Variants in ERBB2 observed in about 807,000 individuals in gnomAD.
ERBB2 encodes receptor tyrosine-protein kinase erbB-2.
Under a neutral mutation model 149.0 loss-of-function variants are expected in ERBB2, and 61 were observed. The ratio of observed to expected loss-of-function variants is 0.41; its 90% CI spans 0.33 to 0.51. The LOEUF (loss-of-function observed/expected upper bound fraction) is 0.51, where lower values mean the gene tolerates loss of function less well. ERBB2 is among the 20% of genes least tolerant of loss of function. The pLI is 0.25. For synonymous variants in ERBB2, 633 were observed against 678.8 expected, an observed-to-expected ratio of 0.93 and a Z score of 1.05; for missense variants, 1,205 against 1,655.1, an observed-to-expected ratio of 0.73 and a Z score of 4.72.
upstream of ERBB2, among the ~76,000 whole-genome samples, chr17:39,694,258 T>C (rs1182293800): frequency 3.0e-3 from 58 of 19,038 alleles, 5 homozygotes; most frequent in Non-Finnish European, 4.9e-3. Context: ...TATATATATA[T>C]ATATATATAT....
chr17:39,719,001 C>T (rs1224626220), intron 15 of ERBB2, among the ~76,000 whole-genome samples: 2 of 152,174 alleles, frequency 1.3e-5, no homozygotes, highest in Non-Finnish European at 2.9e-5. Flanking sequence ...TGGCTCACGC[C>T]TGTAATCCCA....
In ERBB2 at chr17:39,725,371, G is replaced by A. The variant is rs199638358; in HGVS notation, c.2694G>A (p.Arg898=). 1.9e-6 allele frequency: 3 copies of A among 1,613,972 alleles called. No individual in the cohort carries two copies. Among genetic ancestry groups the A allele is most frequent in the Admixed American group, 3.3e-5 (2 of 59,986 alleles). ...WMALESILRR[R]FTHQSDVWSY... is the part of the protein sequence containing the mutation. ...CGCTGGAGTCCATTCTCCGCCGGCG[G>A]TTCACCCACCAGAGTGATGTGTGGA... Residue 898 remains arginine, a synonymous_variant, in exon 22 of 27, where the codon CGG becomes CGA. Transcript: ENST00000269571. The surrounding 1 kb of genome is among the most constrained non-coding windows in gnomAD (Gnocchi z 4.6).
At chr17:39,708,602 G>C in intron 3 of ERBB2, 68 bp downstream of exon 3, 3 of 1,290,086 alleles carry the variant, frequency 2.3e-6, no homozygotes, top group Middle Eastern at 1.9e-4. Flanking sequence ...TGCTAACCAG[G>C]GGGAGGCTTT....
In ERBB2 at chr17:39,688,125, A is replaced by G. The variant is rs771589861; in HGVS notation, c.-535A>G. 5.4e-4 allele frequency: 568 copies of G among 1,057,580 alleles called. 1 individual carries two copies. Among genetic ancestry groups the G allele is most frequent in the Non-Finnish European group, 6.6e-4 (540 of 815,120 alleles). 65.5% of individuals were successfully genotyped at this position (1,057,580 alleles called of 1,614,324 possible). ...TATTCTACTCTCCGCTGAAGTCCACACAGTTTAAATTAAAGTTCCCGGATT... is the reference window on the plus strand; with the variant it reads ...TATTCTACTCTCCGCTGAAGTCCACGCAGTTTAAATTAAAGTTCCCGGATT... On this transcript the variant is annotated 5_prime_UTR_variant, in exon 1 of 18. Coordinates refer to the ERBB2 transcript ENST00000578199.
At chr17:39,704,689 G>A (rs1319238366) in intron 1 of ERBB2, among the ~76,000 whole-genome samples, 1 of 152,160 alleles carries the variant, frequency 6.6e-6, no homozygotes, top group Non-Finnish European at 1.5e-5. Context: ...GGGGGTGTTA[G>A]CCAGCAAGCC....
At chr17:39,716,271 TC>T in intron 12 of ERBB2, 29 bp from the exon 13 acceptor site, 2 of 1,539,084 alleles carry the variant, frequency 1.3e-6, no homozygotes, top group Admixed American at 2.3e-5. Flanking sequence ...CCCCTAAAAG[TC>T]CCCTGCGGTC....
intron 2 of ERBB2, chr17:39,707,747 C>T (rs1216484233): frequency 6.5e-6 from 1 of 153,382 alleles, no homozygotes; most frequent in African/African-American, 2.4e-5. Context: ...GCCTGTAATC[C>T]CAGCACTTTG....
At chr17:39,688,990 C>T (rs373296240) in intron 2 of ERBB2, among the ~76,000 whole-genome samples, 49 of 152,234 alleles carry the variant, frequency 3.2e-4, no homozygotes, top group African/African-American at 1.1e-3. Flanking sequence ...CCTCTCCCTG[C>T]TCACCTCCCC....
chr17:39,696,370 C>G (rs142775749), upstream of ERBB2: 1 of 152,310 alleles, frequency 6.6e-6, no homozygotes, highest in East Asian at 1.9e-4. Context: ...TACCGCCCAC[C>G]GGGACTGGGC....
intron 15 of ERBB2, among the ~76,000 whole-genome samples, chr17:39,717,867 G>A (rs1318257232): frequency 6.6e-6 from 1 of 152,042 alleles, no homozygotes; most frequent in Non-Finnish European, 1.5e-5. Flanking sequence ...AGGCTGGAGT[G>A]CAGTAGTACA....
At position 39,700,291 on chromosome 17, in the gene ERBB2, C is replaced by T. The variant is rs2145269487; in HGVS notation, c.53C>T (p.Pro18Leu). 1 of 1,429,794 alleles carries T rather than the reference C, an allele frequency of 7.0e-7. No homozygotes were observed. Among genetic ancestry groups the T allele is most frequent in the Non-Finnish European group, 9.1e-7 (1 of 1,093,390 alleles). 88.6% of individuals were successfully genotyped at this position (1,429,794 alleles called of 1,614,324 possible). A position where few individuals can be genotyped will look rare whatever the true frequency, so the allele number is the denominator to read the frequency against. The change falls in exon 1 of 27, where the codon CCC (proline) becomes CTC (leucine). Residue 18 changes from proline (P) to leucine (L), a missense_variant. By Grantham distance (98) the Pro-to-Leu change is moderately conservative (BLOSUM62 -3). Transcript: ENST00000269571. Reference sequence around the variant, plus strand: ...GGGCTCCTCCTCGCCCTCTTGCCCCCCGGAGCCGCGAGCACCCAAGGTGGG... The same window carrying T: ...GGGCTCCTCCTCGCCCTCTTGCCCCTCGGAGCCGCGAGCACCCAAGGTGGG... ...RWGLLLALLP[P>L]GAASTQVCTG...
rs776359403 is a variant in ERBB2 at position 39,726,903 on chromosome 17, C to G, written c.3059C>G (p.Ala1020Gly). The G allele has an allele frequency of 6.2e-7, 1 of 1,613,934 alleles. No homozygotes were observed. The highest frequency in any genetic ancestry group is 2.2e-5 in the East Asian group (1 of 44,878). Residue 1020 changes from alanine (A) to glycine (G), a missense_variant, in exon 25 of 27, where the codon GCT becomes GGT. By Grantham distance (60) the Ala-to-Gly change is moderately conservative. Coordinates refer to ENST00000269571, the MANE Select transcript of ERBB2 (RefSeq NM_004448.4). This position sits in a 1 kb window ranked among gnomAD's most constrained non-coding sequence, Gnocchi z 5.1. Reference protein sequence around the residue: ...EDDDMGDLVDAEEYLVPQQGF... With the variant: ...EDDDMGDLVDGEEYLVPQQGF... ...GATGACATGGGGGACCTGGTGGATG[C>G]TGAGGAGTATCTGGTACCCCAGCAG...
chr17:39,697,356 T>TG (rs1013592495), upstream of ERBB2, among the ~76,000 whole-genome samples: 6 of 142,532 alleles, frequency 4.2e-5, no homozygotes, highest in African/African-American at 1.4e-4. Flanking sequence ...TTTGTTTTGT[T>TG]TTTTTTTTTT....
Position 39,728,298 on chromosome 17 carries a change from G to T in ERBB2, c.*254G>T. On this transcript the variant is annotated 3_prime_UTR_variant, in exon 27 of 27. Coordinates refer to ENST00000269571, the MANE Select transcript of ERBB2 (RefSeq NM_004448.4). Reference sequence around the variant, plus strand: ...GAGGCCCTGCCCAATGAGACTCTAGGGTCCAGTGGATGCCACAGCCCAGCT... The same window carrying T: ...GAGGCCCTGCCCAATGAGACTCTAGTGTCCAGTGGATGCCACAGCCCAGCT... The T allele has an allele frequency of 2.4e-6, 1 of 417,110 alleles. No homozygotes were observed. Among genetic ancestry groups the T allele is most frequent in the East Asian group, 3.4e-5 (1 of 29,206 alleles). The allele number at this position is 417,110 out of a possible 1,614,324, so 25.8% of individuals were successfully genotyped here. A position where few individuals can be genotyped will look rare whatever the true frequency, so the allele number is the denominator to read the frequency against.
Position 39,725,690 on chromosome 17 carries a change from C to T in ERBB2, c.2726-17C>T, listed in dbSNP as rs1337072331. The T allele has an allele frequency of 6.2e-7, 1 of 1,601,952 alleles. No homozygotes were observed. Among genetic ancestry groups the T allele is most frequent in the Non-Finnish European group, 8.5e-7 (1 of 1,173,574 alleles). On this transcript the variant is annotated splice_polypyrimidine_tract_variant and intron_variant, in intron 22 of 26. Transcript: ENST00000269571. The surrounding 1 kb of genome is among the most constrained non-coding windows in gnomAD (Gnocchi z 4.6). ...CTCCCTCTGGCCCTCCCACTCCTGACCCTGTCTCTGCCTTAGGTGTGACTG... is the reference window on the plus strand; with the variant it reads ...CTCCCTCTGGCCCTCCCACTCCTGATCCTGTCTCTGCCTTAGGTGTGACTG...
rs141678288 is a variant in ERBB2, at chr17:39,719,820, C to T, written c.1932C>T (p.Ala644=). The change falls in exon 16 of 27, where the codon GCC becomes GCT. Residue 644 remains alanine, a synonymous_variant. Transcript: ENST00000269571. ...CVDLDDKGCP[A]EQRASPLTSI... is the part of the protein sequence containing the mutation. ...ACCTGGATGACAAGGGCTGCCCCGC[C>T]GAGCAGAGAGCCAGGTTGGCCTGGA... 197 of 1,614,166 alleles carry T rather than the reference C, an allele frequency of 1.2e-4. 1 individual carries two copies. In the Admixed American group the frequency reaches 1.9e-3, roughly 16 times the overall value.
At chr17:39,692,082 G>A (rs908066998), upstream of ERBB2, among the ~76,000 whole-genome samples, 7 of 151,684 alleles carry the variant, frequency 4.6e-5, no homozygotes, top group South Asian at 4.2e-4. Flanking sequence ...TTGAACTCCC[G>A]ACCTCAGGTG....
chr17:39,715,442 G>T lies in ERBB2; in HGVS notation c.1223-4G>T, dbSNP rs2145637707. ...ACTCCTTTAATCTCACCCTCTGCCT[G>T]CAGGTTACCTATACATCTCAGCATG... On this transcript the variant is annotated splice_polypyrimidine_tract_variant and splice_region_variant and intron_variant, in intron 10 of 26. Coordinates refer to ENST00000269571, the MANE Select transcript of ERBB2 (RefSeq NM_004448.4). 6.2e-7 allele frequency: 1 copy of T among 1,614,208 alleles called. No individual in the cohort carries two copies. The highest frequency in any genetic ancestry group is 8.5e-7 in the Non-Finnish European group (1 of 1,180,020).
chr17:39,700,114 G>A lies in ERBB2; in HGVS notation c.-125G>A. 2 of 1,287,448 alleles carry A rather than the reference G, an allele frequency of 1.6e-6. No individual in the cohort carries two copies. The highest frequency in any genetic ancestry group is 2.0e-6 in the Non-Finnish European group (2 of 1,021,094). The allele number at this position is 1,287,448 out of a possible 1,614,324, so 79.8% of individuals were successfully genotyped here. On this transcript the variant is annotated 5_prime_UTR_variant, in exon 1 of 27. Coordinates refer to ENST00000269571, the MANE Select transcript of ERBB2 (RefSeq NM_004448.4). ...AGGGGAGCCCCCCGGGCAGCCGCGC[G>A]CCCCTTCCCACGGGGCCCTTTACTG...
Sources: allele counts gnomAD v4.1 joint callset (sites outside exome capture counted in the v4.1 genomes callset), GRCh38; gene constraint gnomAD v4.1.1; non-coding constraint Gnocchi (gnomAD v3.1); transcripts MANE v1.5; gene names NCBI Gene and HGNC (gene_info 2026-07-23, HGNC 2026-07-21).